The following RBM47 variants were observed in gnomAD, a reference collection of about 807,000 sequenced individuals.
RBM47 encodes the protein RNA binding motif protein 47.
Under a neutral mutation model 47.1 loss-of-function variants are expected in RBM47, and 21 were observed. The ratio of observed to expected loss-of-function variants is 0.45; its 90% CI spans 0.32 to 0.64. The LOEUF is 0.64. Among genes scored for constraint, RBM47 ranks in the 30% least tolerant of loss-of-function variants. The pLI is 0.05. For synonymous variants in RBM47, 375 were observed against 361.7 expected, an observed-to-expected ratio of 1.04 and a Z score of -0.42; for missense variants, 708 against 870.9, an observed-to-expected ratio of 0.81 and a Z score of 2.35.
intron 1 of RBM47, among the ~76,000 whole-genome samples, chr4:40,562,906 T>C (rs1308351573): frequency 6.6e-6 from 1 of 152,198 alleles, no homozygotes; most frequent in Admixed American, 6.5e-5. Flanking sequence ...GGATGAGTCA[T>C]TAGGTGAGCA....
At chr4:40,583,585 G>A (rs905575405) in intron 1 of RBM47, among the ~76,000 whole-genome samples, 12 of 151,760 alleles carry the variant, frequency 7.9e-5, no homozygotes, top group East Asian at 3.9e-4. Context: ...TGGGCCAGGC[G>A]CGGTGGCTCA....
chr4:40,577,120 G>T (rs754499244), intron 1 of RBM47, among the ~76,000 whole-genome samples: 6 of 152,172 alleles, frequency 3.9e-5, no homozygotes, highest in Non-Finnish European at 5.9e-5. Context: ...TGCTAAAGAG[G>T]AAACCCTGAG....
intron 1 of RBM47, among the ~76,000 whole-genome samples, chr4:40,600,035 C>CTG (rs142255561): frequency 0.013 from 1,955 of 152,076 alleles, 40 homozygotes; most frequent in African/African-American, 0.045. Flanking sequence ...TGAGACAAGG[C>CTG]CTCACTCTGT....
At chr4:40,557,460 T>C (rs1205440969) in intron 1 of RBM47, among the ~76,000 whole-genome samples, 1 of 152,066 alleles carries the variant, frequency 6.6e-6, no homozygotes, top group Non-Finnish European at 1.5e-5. Flanking sequence ...TAAATATTTG[T>C]TGAGTTGGCT....
At chr4:40,567,296 C>T (rs552840583) in intron 1 of RBM47, among the ~76,000 whole-genome samples, 6 of 152,000 alleles carry the variant, frequency 3.9e-5, no homozygotes, top group East Asian at 1.9e-4. Flanking sequence ...CTGTAAAATG[C>T]GATTTTGTTA....
At chr4:40,467,537 C>A (rs1183993577) in intron 2 of RBM47, among the ~76,000 whole-genome samples, 1 of 151,992 alleles carries the variant, frequency 6.6e-6, no homozygotes, top group Non-Finnish European at 1.5e-5. Flanking sequence ...GTGATCCACC[C>A]GACTCAGCCT....
At chr4:40,605,188 A>C (rs889523938) in intron 1 of RBM47, among the ~76,000 whole-genome samples, 1 of 144,758 alleles carries the variant, frequency 6.9e-6, no homozygotes, top group Admixed American at 6.9e-5. Context: ...GCGCCCAGCT[A>C]ATTTTTTTGT....
chr4:40,581,296 C>T (rs1013062954), intron 1 of RBM47, among the ~76,000 whole-genome samples: 39 of 151,936 alleles, frequency 2.6e-4, no homozygotes, highest in Non-Finnish European at 4.1e-4. Flanking sequence ...GTGACATGCG[C>T]CTGTAGTCCC....
intron 2 of RBM47, among the ~76,000 whole-genome samples, chr4:40,517,680 C>G (rs1222269961): frequency 1.3e-5 from 2 of 152,016 alleles, no homozygotes; most frequent in East Asian, 3.8e-4. Flanking sequence ...TCTCATGTAC[C>G]CCATAAATAT....
intron 1 of RBM47, among the ~76,000 whole-genome samples, chr4:40,621,601 T>G (rs1476891646): frequency 6.6e-6 from 1 of 152,226 alleles, no homozygotes; most frequent in Non-Finnish European, 1.5e-5. Flanking sequence ...AAGAGATAGT[T>G]AAGAAAATTT....
intron 2 of RBM47, among the ~76,000 whole-genome samples, chr4:40,480,400 T>C (rs576791006): frequency 6.6e-6 from 1 of 152,288 alleles, no homozygotes; most frequent in African/African-American, 2.4e-5. Flanking sequence ...GATCACACTT[T>C]ACCGCCTCAA....
chr4:40,567,715 G>T (rs1446961949), intron 1 of RBM47, among the ~76,000 whole-genome samples: 1 of 151,966 alleles, frequency 6.6e-6, no homozygotes, highest in Non-Finnish European at 1.5e-5. Context: ...TAGCCTGACA[G>T]AATCAAGACC....
chr4:40,539,712 C>A (rs1028747466), intron 2 of RBM47, among the ~76,000 whole-genome samples: 13 of 121,738 alleles, frequency 1.1e-4, no homozygotes, highest in Non-Finnish European at 1.1e-4. Flanking sequence ...TGCACTCCAG[C>A]CTGGGCGACA....
At chr4:40,512,241 T>C (rs112459405) in intron 2 of RBM47, among the ~76,000 whole-genome samples, 1 of 151,088 alleles carries the variant, frequency 6.6e-6, no homozygotes, top group African/African-American at 2.4e-5. Context: ...GCCAACATAA[T>C]GAAACCCCTT....
chr4:40,505,245 T>C (rs1013396457), intron 2 of RBM47, among the ~76,000 whole-genome samples: 1 of 151,862 alleles, frequency 6.6e-6, no homozygotes, highest in Non-Finnish European at 1.5e-5. Flanking sequence ...TCCCAGCACT[T>C]TGGGAGGCTG....
At chr4:40,509,831 G>A (rs1479562498) in intron 2 of RBM47, among the ~76,000 whole-genome samples, 1 of 151,708 alleles carries the variant, frequency 6.6e-6, no homozygotes, top group Non-Finnish European at 1.5e-5. Context: ...TGCAGTGAGC[G>A]GAGATTGCGC....
chr4:40,426,490 G>A (rs1715061549), intron 6 of RBM47, among the ~76,000 whole-genome samples: 1 of 152,166 alleles, frequency 6.6e-6, no homozygotes, highest in African/African-American at 2.4e-5. Context: ...GTCCCTGAGA[G>A]AAAATGGCGT....
At chr4:40,556,037 CTTTT>C (rs112819173) in intron 1 of RBM47, among the ~76,000 whole-genome samples, 3 of 139,460 alleles carry the variant, frequency 2.2e-5, no homozygotes, top group African/African-American at 5.3e-5. Flanking sequence ...AAAAGATCTT[CTTTT>C]TTTTTTTTTT....
chr4:40,568,583 G>A lies in RBM47; in HGVS notation c.-239-24077C>T, dbSNP rs1731332917. On this transcript the variant is annotated intron_variant, in intron 1 of 6. Transcript: ENST00000295971. The stretch of plus-strand genomic sequence containing the variant: ...AAGCAAACGAACAAAAAAATAGGAA[G>A]GCATATTTTAAGTGGGAGAGGAACT... 2.0e-5 allele frequency among the ~76,000 whole-genome samples: 3 copies of A among 151,616 alleles called. No homozygotes were observed. The South Asian group carries it at 6.2e-4, about 32-fold the overall frequency.
Sources: gnomAD v4.1 joint callset for allele counts (sites outside exome capture counted in the v4.1 genomes callset) on GRCh38, gnomAD v4.1.1 for gene constraint, MANE v1.5 for transcripts, NCBI Gene and HGNC (gene_info 2026-07-23, HGNC 2026-07-21) for gene names.